The following ITGB1BP1 variants were observed in gnomAD, a reference collection of about 807,000 sequenced individuals.
ITGB1BP1 encodes the protein integrin beta-1-binding protein 1.
A neutral mutation model predicts 28.0 loss-of-function variants in ITGB1BP1; 20 were observed. The observed-to-expected ratio is 0.71, with a 90% CI of 0.50 to 1.04. The LOEUF (loss-of-function observed/expected upper bound fraction) is 1.04, where lower values mean the gene tolerates loss of function less well. ITGB1BP1 is among the 50% of genes least tolerant of loss of function. The probability of loss-of-function intolerance (pLI) is 0.00; values close to 1 mark genes in which losing one functional copy is unlikely to be tolerated. For synonymous variants in ITGB1BP1, 103 were observed against 89.5 expected, an observed-to-expected ratio of 1.15 and a Z score of -0.85; for missense variants, 228 against 242.5, an observed-to-expected ratio of 0.94 and a Z score of 0.40.
intron 6 of ITGB1BP1, 175 bp from the exon 7 acceptor site, chr2:9,407,080 T>C (rs1677538239): frequency 1.6e-6 from 1 of 621,748 alleles, no homozygotes; most frequent in Non-Finnish European, 2.9e-6. Context: ...ACGTGGGCCC[T>C]TTCTGCCCTC....
At chr2:9,418,763 T>G in intron 1 of ITGB1BP1, 31 bp from the exon 2 acceptor site, 2 of 1,389,114 alleles carry the variant, frequency 1.4e-6, no homozygotes, top group Admixed American at 3.8e-5. Flanking sequence ...AACAGTTACA[T>G]CGGGAAAAGC....
intron 4 of ITGB1BP1, among the ~76,000 whole-genome samples, chr2:9,408,764 C>G (rs1677903825): frequency 6.6e-6 from 1 of 152,222 alleles, no homozygotes; most frequent in Non-Finnish European, 1.5e-5. Context: ...CAGGCATGAG[C>G]CACTGTGCCC....
At chr2:9,412,479 A>G (rs1678570154) in intron 3 of ITGB1BP1, 74 bp from the exon 4 acceptor site, 3 of 1,235,448 alleles carry the variant, frequency 2.4e-6, no homozygotes, top group East Asian at 2.4e-5. Flanking sequence ...TCCCTTCCCA[A>G]ATAAAAACCA....
At chr2:9,421,262 T>C (rs1213267915) in intron 1 of ITGB1BP1, among the ~76,000 whole-genome samples, 1 of 152,226 alleles carries the variant, frequency 6.6e-6, no homozygotes, top group Non-Finnish European at 1.5e-5. Context: ...ATGAAAATCA[T>C]GACACGACAA....
rs759907280 is a variant in ITGB1BP1, at chr2:9,414,195, T to C, written c.134A>G (p.Asp45Gly). ...RSSTVASLDT[D>G]STKSSGQSNN... ...TTATGTACCTGAGCTTTTGGTGGAA[T>C]CTGTGTCGAGGCTGGCCACAGTGCT... Residue 45 changes from aspartate to glycine, a missense_variant, in exon 3 of 7, where the codon GAT (aspartate) becomes GGT (glycine). Coordinates refer to ENST00000355346, the MANE Select transcript of ITGB1BP1 (RefSeq NM_004763.5). 3.7e-6 allele frequency: 6 copies of C among 1,613,938 alleles called. No homozygotes were observed. Among genetic ancestry groups the C allele is most frequent in the Non-Finnish European group, 5.1e-6 (6 of 1,179,790 alleles).
At chr2:9,423,261 C>A (rs910732652) in intron 1 of ITGB1BP1, 112 bp downstream of exon 1, 29 of 1,171,764 alleles carry the variant, frequency 2.5e-5, no homozygotes, top group Non-Finnish European at 3.1e-5. Flanking sequence ...CCTCCTCCGC[C>A]CGCCCCGCGG....
chr2:9,418,761 C>G (rs1679451745), intron 1 of ITGB1BP1, 29 bp from the exon 2 acceptor site: 2 of 1,297,866 alleles, frequency 1.5e-6, no homozygotes, highest in Non-Finnish European at 2.2e-6. Flanking sequence ...GTAACAGTTA[C>G]ATCGGGAAAA....
chr2:9,417,286 T>A (rs1055519694), intron 2 of ITGB1BP1, among the ~76,000 whole-genome samples: 2 of 151,862 alleles, frequency 1.3e-5, no homozygotes, highest in Non-Finnish European at 2.9e-5. Context: ...GCCTTTGCTC[T>A]CTCCTCTCCC....
rs1676928925 is a variant in ITGB1BP1, at chr2:9,403,509, G to A, written c.*3325C>T. On this transcript the variant is annotated 3_prime_UTR_variant, in exon 7 of 7. Transcript: ENST00000355346. The stretch of plus-strand genomic sequence containing the variant: ...ATCAGTAATTGTTTTTATAATTTGT[G>A]GTTTTCATGAAACATTGCTATGCAT... 6 of 557,266 alleles carry A rather than the reference G, an allele frequency of 1.1e-5. No homozygotes were observed. The highest frequency in any genetic ancestry group is 2.7e-5 in the South Asian group (1 of 37,236). The allele number at this position is 557,266 out of a possible 1,614,324, so 34.5% of individuals were successfully genotyped here.
At chr2:9,420,615 AATGCCGTGCGGGTGG>A (rs963398042) in intron 1 of ITGB1BP1, among the ~76,000 whole-genome samples, 8 of 152,232 alleles carry the variant, frequency 5.3e-5, no homozygotes, top group African/African-American at 9.6e-5. Flanking sequence ...GCCTGGAGGC[AATGCCGTGCGGGTGG>A]AGAGGGGCCC....
chr2:9,409,395 G>T (rs1678008219), intron 4 of ITGB1BP1, among the ~76,000 whole-genome samples: 1 of 152,172 alleles, frequency 6.6e-6, no homozygotes. Context: ...ACCACGGTAT[G>T]GGATAATAGT....
At chr2:9,423,537 G>A, upstream of ITGB1BP1, 2 of 1,159,928 alleles carry the variant, frequency 1.7e-6, no homozygotes, top group Non-Finnish European at 2.3e-6. Context: ...ATGCGCAGGC[G>A]CAGTCCTGAC....
At position 9,403,868 on chromosome 2, in the gene ITGB1BP1, G is replaced by T; in HGVS notation, c.*2966C>A. ...ACTTGGAAATTTACACATTAGCATT[G>T]TACTTTCTAGCCCTAATTTGTGAGG... On this transcript the variant is annotated 3_prime_UTR_variant, in exon 7 of 7. Transcript: ENST00000355346. 1 of 154,398 alleles carries T rather than the reference G, an allele frequency of 6.5e-6. No individual in the cohort carries two copies. The highest frequency in any genetic ancestry group is 1.4e-5 in the Non-Finnish European group (1 of 69,522). The allele number at this position is 154,398 out of a possible 1,614,324, so 9.6% of individuals were successfully genotyped here.
rs1159590551 is a variant in ITGB1BP1, at chr2:9,406,675, A to G, written c.*159T>C. 1 of 637,624 alleles carries G rather than the reference A, an allele frequency of 1.6e-6. No individual in the cohort carries two copies. The highest frequency in any genetic ancestry group is 1.8e-5 in the African/African-American group (1 of 54,818). 39.5% of individuals were successfully genotyped at this position (637,624 alleles called of 1,614,324 possible). A position where few individuals can be genotyped will look rare whatever the true frequency, so the allele number is the denominator to read the frequency against. ...GAGAGTTAACTCACTGTGTAATAGG[A>G]CACATTTTAATAAACAAATGATCAG... On this transcript the variant is annotated 3_prime_UTR_variant, in exon 7 of 7. Coordinates refer to ENST00000355346, the MANE Select transcript of ITGB1BP1 (RefSeq NM_004763.5).
chr2:9,413,245 G>A (rs753283736), intron 3 of ITGB1BP1, among the ~76,000 whole-genome samples: 75 of 152,186 alleles, frequency 4.9e-4, no homozygotes, highest in Admixed American at 1.6e-3. Flanking sequence ...GGGAGAAAGA[G>A]GAATTTAGAC....
chr2:9,407,609 C>T lies in ITGB1BP1; in HGVS notation c.382-11G>A, dbSNP rs773028167. 3 of 1,613,970 alleles carry T rather than the reference C, an allele frequency of 1.9e-6. No individual in the cohort carries two copies. Among genetic ancestry groups the T allele is most frequent in the Admixed American group, 1.7e-5 (1 of 60,004 alleles). ...CCTGTGCAAAACATCCTGCAGAAGT[C>T]AGGAAAGATTCCGAGAGATCAGGAC... On this transcript the variant is annotated splice_polypyrimidine_tract_variant and intron_variant, in intron 5 of 6. Transcript: ENST00000355346.
At chr2:9,423,553 A>G (rs1040475539), upstream of ITGB1BP1, 6 of 1,142,250 alleles carry the variant, frequency 5.3e-6, no homozygotes, top group Admixed American at 6.8e-5. Flanking sequence ...CTGACGTCCT[A>G]CCCCCGGTTC....
At position 9,406,645 on chromosome 2, in the gene ITGB1BP1, T is replaced by C; in HGVS notation, c.*189A>G. 1.7e-6 allele frequency: 1 copy of C among 584,884 alleles called. No individual in the cohort carries two copies. The highest frequency in any genetic ancestry group is 2.2e-5 in the South Asian group (1 of 46,440). 36.2% of individuals were successfully genotyped at this position (584,884 alleles called of 1,614,324 possible). ...TTTTTAGCCCAGAAAATAGATGACT[T>C]CATTGAGAGTTAACTCACTGTGTAA... is the stretch of plus-strand genomic sequence containing the variant. On this transcript the variant is annotated 3_prime_UTR_variant, in exon 7 of 7. Coordinates refer to ENST00000355346, the MANE Select transcript of ITGB1BP1 (RefSeq NM_004763.5).
chr2:9,407,675 C>T (rs569589067), intron 5 of ITGB1BP1, 77 bp from the exon 6 acceptor site: 31 of 1,521,740 alleles, frequency 2.0e-5, no homozygotes. Flanking sequence ...CCCTCCCAGG[C>T]AGAGTGAGGC....
Sources: gnomAD v4.1 joint callset for allele counts (sites outside exome capture counted in the v4.1 genomes callset) on GRCh38, gnomAD v4.1.1 for gene constraint, MANE v1.5 for transcripts, NCBI Gene and HGNC (gene_info 2026-07-23, HGNC 2026-07-21) for gene names.